The following AKR7A3 variants were observed in gnomAD, a reference collection of about 807,000 sequenced individuals.
AKR7A3 encodes the protein AFB1 aldehyde reductase 2.
A neutral mutation model predicts 32.5 loss-of-function variants in AKR7A3; 37 were observed. The observed-to-expected ratio is 1.14, with a 90% CI of 0.88 to 1.50. The LOEUF is 1.50. Among genes scored for constraint, AKR7A3 ranks in the 40% most tolerant of loss-of-function variants. AKR7A3 has a pLI of 0.00. For missense variants in AKR7A3, 412 were observed against 453.2 expected, an observed-to-expected ratio of 0.91 and a Z score of 0.83; for synonymous variants, 177 against 188.4, an observed-to-expected ratio of 0.94 and a Z score of 0.50.
rs142891951 is a variant in AKR7A3, at chr1:19,286,499, G to A, written c.215-127C>T. The A allele has an allele frequency of 2.5e-3, 2,348 of 939,380 alleles. 6 individuals carry two copies. The highest frequency in any genetic ancestry group is 3.4e-3 in the Non-Finnish European group (2,086 of 617,212). 58.2% of individuals were successfully genotyped at this position (939,380 alleles called of 1,614,324 possible). A position where few individuals can be genotyped will look rare whatever the true frequency, so the allele number is the denominator to read the frequency against. ...GTTCAAGACCAGCTGGACCAACATGGTGAAACCCCATCTCTAATAAAAACA... is the reference window on the plus strand; with the variant it reads ...GTTCAAGACCAGCTGGACCAACATGATGAAACCCCATCTCTAATAAAAACA... On this transcript the variant is annotated intron_variant, in intron 1 of 6. Transcript: ENST00000361640.
downstream of AKR7A3, among the ~76,000 whole-genome samples, chr1:19,278,618 C>T (rs926068621): frequency 1.3e-5 from 2 of 151,818 alleles, no homozygotes; most frequent in African/African-American, 2.4e-5. Flanking sequence ...TGTATTGAGA[C>T]ATAATTCAGA....
the AKR7A3 span, among the ~76,000 whole-genome samples, chr1:19,276,756 C>CA: frequency 3.3e-5 from 5 of 151,622 alleles, no homozygotes; most frequent in Non-Finnish European, 7.4e-5. Context: ...GAGCTGAGAT[C>CA]ATGCCACTGC....
intron 1 of AKR7A3, among the ~76,000 whole-genome samples, chr1:19,287,054 C>G (rs1321508719): frequency 6.6e-6 from 1 of 151,856 alleles, no homozygotes; most frequent in Non-Finnish European, 1.5e-5. Flanking sequence ...CACCTGTAAT[C>G]TCAGCACTTT....
Position 19,284,035 on chromosome 1 carries a change from C to A in AKR7A3, c.795G>T (p.Ser265=). Residue 265 remains serine, a synonymous_variant, in exon 6 of 7, where the codon TCG becomes TCT. Transcript: ENST00000361640. ...AYGASAPSMT[S]ATLRWMYHHS... ...GGTGGTACATCCACCGGAGGGTGGC[C>A]GAGGTCATGCTGGGGGCGCTGGCGC... The A allele has an allele frequency of 1.2e-6, 2 of 1,613,606 alleles. No homozygotes were observed. Among genetic ancestry groups the A allele is most frequent in the Non-Finnish European group, 1.7e-6 (2 of 1,179,854 alleles).
chr1:19,288,496 C>G lies in AKR7A3; in HGVS notation c.214G>C (p.Val72Leu), dbSNP rs759676013. The G allele has an allele frequency of 6.2e-7, 1 of 1,610,484 alleles. No individual in the cohort carries two copies. Residue 72 changes from valine to leucine, a missense_variant and splice_region_variant, in exon 1 of 7, where the codon GTG (valine) becomes CTG (leucine). Coordinates refer to ENST00000361640, the MANE Select transcript of AKR7A3 (RefSeq NM_012067.3). Reference protein sequence around the residue: ...GLRLGGSDCRVKIDTKAIPLF... With the variant: ...GLRLGGSDCRLKIDTKAIPLF... The stretch of plus-strand genomic sequence containing the variant: ...GGGGAGGATCAGGGGCCACTGTTAC[C>G]TCTGCAGTCGCTGCCGCCCAGCCGG...
downstream of AKR7A3, among the ~76,000 whole-genome samples, chr1:19,279,927 A>G (rs1178291274): frequency 6.7e-6 from 1 of 148,550 alleles, no homozygotes; most frequent in Admixed American, 6.7e-5. Context: ...TTTTCTTGTG[A>G]TTTTTTTTTT....
In AKR7A3 at chr1:19,284,232, C is replaced by G. The variant is rs543771460; in HGVS notation, c.705-107G>C. 6.1e-4 allele frequency: 870 copies of G among 1,437,072 alleles called. No homozygotes were observed. Among genetic ancestry groups the G allele is most frequent in the Admixed American group, 2.6e-3 (100 of 38,558 alleles). 89.0% of individuals were successfully genotyped at this position (1,437,072 alleles called of 1,614,324 possible). Reference sequence around the variant, plus strand: ...CCCCACACCCTGCAGCCCTGAGGGGCAGGTGTTCTCTCTAGCCATGGGTCT... The same window carrying G: ...CCCCACACCCTGCAGCCCTGAGGGGGAGGTGTTCTCTCTAGCCATGGGTCT... On this transcript the variant is annotated intron_variant, in intron 5 of 6. Coordinates refer to ENST00000361640, the MANE Select transcript of AKR7A3 (RefSeq NM_012067.3).
rs373639940 is a variant in AKR7A3, at chr1:19,284,134, G to T, written c.705-9C>A. ...GGTGCTCCTTCCAGTAGCTGGGAAG[G>T]GGGGACGGTGGCACAGGTGTCAGGG... is the stretch of plus-strand genomic sequence containing the variant. On this transcript the variant is annotated splice_polypyrimidine_tract_variant and intron_variant, in intron 5 of 6. Transcript: ENST00000361640. The T allele has an allele frequency of 1.2e-6, 2 of 1,605,704 alleles. No individual in the cohort carries two copies. Among genetic ancestry groups the T allele is most frequent in the South Asian group, 1.1e-5 (1 of 90,144 alleles).
downstream of AKR7A3, among the ~76,000 whole-genome samples, chr1:19,280,625 C>T (rs1437730449): frequency 1.3e-5 from 2 of 151,604 alleles, no homozygotes; most frequent in Non-Finnish European, 2.9e-5. Flanking sequence ...GGCTGGAGTG[C>T]AGTGGCGTGA....
intron 1 of AKR7A3, among the ~76,000 whole-genome samples, chr1:19,286,703 CA>C (rs202038255): frequency 1.3e-5 from 2 of 150,408 alleles, no homozygotes; most frequent in East Asian, 1.9e-4. Flanking sequence ...AAACAAACAA[CA>C]AAAAAAAAGA....
rs758247200 is a variant in AKR7A3 at position 19,285,116 on chromosome 1, T to C, written c.508-2A>G. 1 of 1,613,260 alleles carries C rather than the reference T, an allele frequency of 6.2e-7. No homozygotes were observed. On this transcript the variant is annotated splice_acceptor_variant, in intron 3 of 6. Transcript: ENST00000361640. LOFTEE classifies it high-confidence loss of function. ...CCGGGTGATGGCATTGTACATGCCCTGTAAGGAGAGGGGCCCCGGGGGAGA... is the reference window on the plus strand; with the variant it reads ...CCGGGTGATGGCATTGTACATGCCCCGTAAGGAGAGGGGCCCCGGGGGAGA...
downstream of AKR7A3, among the ~76,000 whole-genome samples, chr1:19,279,016 A>G (rs1325635255): frequency 6.6e-6 from 1 of 151,856 alleles, no homozygotes; most frequent in African/African-American, 2.4e-5. Flanking sequence ...CAGTGCAGTG[A>G]TGCATAATCA....
chr1:19,285,189 C>A, intron 3 of AKR7A3, 75 bp from the exon 4 acceptor site: 3 of 1,400,816 alleles, frequency 2.1e-6, no homozygotes, highest in Non-Finnish European at 3.0e-6. Flanking sequence ...CTTCCAGAAC[C>A]CTTATTTCAG....
chr1:19,284,760 C>A lies in AKR7A3; in HGVS notation c.630G>T (p.Lys210Asn). The change falls in exon 5 of 7, where the codon AAG (lysine) becomes AAT (asparagine). Residue 210 changes from lysine (K) to asparagine (N), a missense_variant. Transcript: ENST00000361640. ...LAGGLLTGKY[K>N]YEDKNGKQPV... ...GCTGTTTCCCATTCTTGTCCTCATA[C>A]TTGTACTTGCCGGTCAGCAGGCCCC... 1 of 1,613,876 alleles carries A rather than the reference C, an allele frequency of 6.2e-7. No homozygotes were observed. The highest frequency in any genetic ancestry group is 1.6e-4 in the Middle Eastern group (1 of 6,062).
At chr1:19,279,640 T>C (rs547818720), downstream of AKR7A3, among the ~76,000 whole-genome samples, 2 of 152,040 alleles carry the variant, frequency 1.3e-5, no homozygotes, top group South Asian at 2.1e-4. Context: ...TGGAAACACA[T>C]TGTGGTTTTT....
At chr1:19,283,457 A>G (rs1290565266) in intron 6 of AKR7A3, among the ~76,000 whole-genome samples, 1 of 151,944 alleles carries the variant, frequency 6.6e-6, no homozygotes, top group South Asian at 2.1e-4. Flanking sequence ...TGGGATAGTC[A>G]TTTCATAAAG....
chr1:19,278,384 G>A (rs932338663), downstream of AKR7A3, among the ~76,000 whole-genome samples: 18 of 151,584 alleles, frequency 1.2e-4, no homozygotes, highest in Non-Finnish European at 2.9e-5. Flanking sequence ...TGATGAAACC[G>A]CATCTCTACT....
Position 19,286,305 on chromosome 1 carries a change from C to A in AKR7A3, c.282G>T (p.Gln94His). The A allele has an allele frequency of 6.2e-7, 1 of 1,613,944 alleles. No individual in the cohort carries two copies. Among genetic ancestry groups the A allele is most frequent in the Non-Finnish European group, 8.5e-7 (1 of 1,180,040 alleles). The part of the protein sequence containing the change: ...NSLKPDSLRF[Q>H]LETSLKRLQC... ...GCAGCCGCTTCAGTGACGTCTCCAG[C>A]TGGAACCGGAGACTGTCAGGCTTCA... The change falls in exon 2 of 7, where the codon CAG becomes CAT. Residue 94 changes from glutamine to histidine, a missense_variant. By Grantham distance (24) the Gln-to-His change is conservative (BLOSUM62 0). Transcript: ENST00000361640.
the AKR7A3 span, chr1:19,274,255 C>T: frequency 4.0e-6 from 5 of 1,263,092 alleles, no homozygotes; most frequent in Non-Finnish European, 5.1e-6. Flanking sequence ...CCGCTCTCAA[C>T]CACGAGGACC....
Sources: gnomAD v4.1 joint callset for allele counts (sites outside exome capture counted in the v4.1 genomes callset) on GRCh38, gnomAD v4.1.1 for gene constraint, MANE v1.5 for transcripts, NCBI Gene and HGNC (gene_info 2026-07-23, HGNC 2026-07-21) for gene names.